Variants in ESRP1 observed in about 807,000 individuals in gnomAD.
ESRP1 encodes RNA-binding motif protein 35A.
Under a neutral mutation model 81.7 loss-of-function variants are expected in ESRP1, and 33 were observed. That is an observed-to-expected ratio of 0.40 (90% CI 0.31 to 0.54). ESRP1 has a LOEUF of 0.54. Ranked by LOEUF, ESRP1 falls within the 20% of genes least tolerant of loss-of-function variation. The pLI is 0.41. For synonymous variants in ESRP1, 320 were observed against 303.3 expected, an observed-to-expected ratio of 1.06 and a Z score of -0.57; for missense variants, 672 against 833.1, an observed-to-expected ratio of 0.81 and a Z score of 2.38.
At chr8:94,665,265 C>T in intron 9 of ESRP1, 69 bp downstream of exon 9, 3 of 1,463,168 alleles carry the variant, frequency 2.1e-6, no homozygotes, top group Admixed American at 1.9e-5. Flanking sequence ...TTAAATTTAG[C>T]AAGAGTAGGT....
At chr8:94,678,934 A>G (rs1269523008) in intron 13 of ESRP1, among the ~76,000 whole-genome samples, 1 of 152,244 alleles carries the variant, frequency 6.6e-6, no homozygotes, top group Non-Finnish European at 1.5e-5. Context: ...ATACTAGCAT[A>G]TAATGGAGAG....
At chr8:94,680,864 T>C (rs540998268) in intron 13 of ESRP1, among the ~76,000 whole-genome samples, 1 of 152,262 alleles carries the variant, frequency 6.6e-6, no homozygotes, top group African/African-American at 2.4e-5. Flanking sequence ...CTAGGGATAT[T>C]ATTAATCAGA....
chr8:94,696,260 T>A (rs1809601475), intron 14 of ESRP1, among the ~76,000 whole-genome samples: 1 of 152,162 alleles, frequency 6.6e-6, no homozygotes. Context: ...CTTACATAAG[T>A]CCTTTAACAT....
At chr8:94,641,551 T>A (rs902194598) in intron 1 of ESRP1, 101 bp downstream of exon 1, 9 of 1,517,540 alleles carry the variant, frequency 5.9e-6, no homozygotes, top group Middle Eastern at 1.7e-4. Flanking sequence ...ATAAGTGCTC[T>A]TGTTTGCCCA....
intron 13 of ESRP1, among the ~76,000 whole-genome samples, chr8:94,685,082 C>A (rs1270303471): frequency 6.6e-6 from 1 of 151,214 alleles, no homozygotes; most frequent in Admixed American, 6.6e-5. Context: ...TGAATGTTAT[C>A]AATACTCTCA....
At chr8:94,681,752 T>G (rs1586232541) in intron 13 of ESRP1, among the ~76,000 whole-genome samples, 1 of 152,128 alleles carries the variant, frequency 6.6e-6, no homozygotes, top group East Asian at 1.9e-4. Flanking sequence ...GCCTGGCCAA[T>G]ATGGTGAAAC....
At chr8:94,685,270 G>A (rs2554398) in intron 13 of ESRP1, among the ~76,000 whole-genome samples, 177 of 152,090 alleles carry the variant, frequency 1.2e-3, no homozygotes, top group Non-Finnish European at 1.8e-3. Flanking sequence ...TTCATATCTT[G>A]TTTTACATAT....
At chr8:94,663,784 G>A (rs932175924) in intron 6 of ESRP1, among the ~76,000 whole-genome samples, 2 of 152,118 alleles carry the variant, frequency 1.3e-5, no homozygotes, top group African/African-American at 2.4e-5. Flanking sequence ...AAATGTGAAC[G>A]TGGGAGGGAT....
chr8:94,678,919 A>ATAGCATAC (rs1472890501), intron 13 of ESRP1, among the ~76,000 whole-genome samples: 6 of 152,234 alleles, frequency 3.9e-5, no homozygotes, highest in Non-Finnish European at 8.8e-5. Flanking sequence ...TTTCTCGGAC[A>ATAGCATAC]TAGCATACTA....
At chr8:94,679,027 G>A (rs1808757246) in intron 13 of ESRP1, among the ~76,000 whole-genome samples, 1 of 152,112 alleles carries the variant, frequency 6.6e-6, no homozygotes, top group Non-Finnish European at 1.5e-5. Context: ...GTACATGCAC[G>A]AGCATGTAAA....
intron 12 of ESRP1, among the ~76,000 whole-genome samples, 161 bp downstream of exon 12, chr8:94,674,667 A>G (rs1303880054): frequency 6.6e-6 from 1 of 152,138 alleles, no homozygotes; most frequent in African/African-American, 2.4e-5. Flanking sequence ...ATCATTTAAG[A>G]CCTTGGTTGT....
At chr8:94,664,842 T>A in intron 7 of ESRP1, 35 bp downstream of exon 7, 1 of 1,611,344 alleles carries the variant, frequency 6.2e-7, no homozygotes, top group Non-Finnish European at 8.5e-7. Flanking sequence ...TACTTAACAA[T>A]CCCAAAGGGA....
At chr8:94,680,420 GA>G (rs1563539047) in intron 13 of ESRP1, among the ~76,000 whole-genome samples, 2 of 152,098 alleles carry the variant, frequency 1.3e-5, no homozygotes, top group East Asian at 3.8e-4. Flanking sequence ...AATTTTGATA[GA>G]AAAACATTAA....
At chr8:94,661,126 C>T (rs1421683809) in intron 4 of ESRP1, among the ~76,000 whole-genome samples, 1 of 152,116 alleles carries the variant, frequency 6.6e-6, no homozygotes, top group Non-Finnish European at 1.5e-5. Flanking sequence ...CTACAACCTC[C>T]ACCTCCCGGG....
chr8:94,666,163 A>T (rs1418210358), intron 9 of ESRP1, among the ~76,000 whole-genome samples: 1 of 152,208 alleles, frequency 6.6e-6, no homozygotes, highest in Admixed American at 6.5e-5. Context: ...ACATCATCCT[A>T]CATTACTCAA....
intron 4 of ESRP1, among the ~76,000 whole-genome samples, chr8:94,660,525 G>A (rs1464133887): frequency 2.0e-5 from 3 of 151,778 alleles, no homozygotes; most frequent in African/African-American, 7.3e-5. Flanking sequence ...GATCAGCTGA[G>A]GTCAGGAGTT....
intron 4 of ESRP1, among the ~76,000 whole-genome samples, chr8:94,657,465 C>CTGTGTG (rs1463065686): frequency 1.3e-4 from 13 of 97,964 alleles, no homozygotes; most frequent in East Asian, 3.4e-4. Flanking sequence ...CCTATTGAGG[C>CTGTGTG]TGTGTGCGTG....
In ESRP1 at chr8:94,707,128, T is replaced by C. The variant is rs1810094713; in HGVS notation, c.*1239T>C. ...TTCTCTAAGTTACTCATATTGTCCT[T>C]TGCTTGAATGCAATGCCGTGCAGAT... On this transcript the variant is annotated 3_prime_UTR_variant, in exon 16 of 16. Transcript: ENST00000433389. 6.6e-6 allele frequency: 1 copy of C among 152,248 alleles called. No homozygotes were observed. Among genetic ancestry groups the C allele is most frequent in the African/African-American group, 2.4e-5 (1 of 41,466 alleles). The allele number at this position is 152,248 out of a possible 1,614,324, so 9.4% of individuals were successfully genotyped here. A position where few individuals can be genotyped will look rare whatever the true frequency, so the allele number is the denominator to read the frequency against.
chr8:94,653,217 G>T (rs1224452959), intron 4 of ESRP1, among the ~76,000 whole-genome samples: 2 of 150,292 alleles, frequency 1.3e-5, no homozygotes, highest in East Asian at 3.9e-4. Flanking sequence ...TCACTTCTTG[G>T]GGGGTGTAAA....
Sources: allele counts gnomAD v4.1 joint callset (sites outside exome capture counted in the v4.1 genomes callset), GRCh38; gene constraint gnomAD v4.1.1; transcripts MANE v1.5; gene names NCBI Gene and HGNC (gene_info 2026-07-23, HGNC 2026-07-21).